The following CHRNB2 variants were observed in gnomAD, a reference collection of about 807,000 sequenced individuals.
The protein encoded by CHRNB2 is neuronal acetylcholine receptor subunit beta-2.
A neutral mutation model predicts 42.7 loss-of-function variants in CHRNB2; 33 were observed. The observed-to-expected ratio is 0.77, with a 90% confidence interval of 0.59 to 1.03. CHRNB2 has a LOEUF of 1.03. Ranked by LOEUF, CHRNB2 falls within the 50% of genes least tolerant of loss-of-function variation. The pLI is 0.00. For synonymous variants in CHRNB2, 325 were observed against 292.9 expected (o/e 1.11, Z -1.12); for missense variants, 603 against 700.9 (o/e 0.86, Z 1.58).
chr1:154,570,420 G>C (rs1696141124), intron 4 of CHRNB2, 53 bp downstream of exon 4: 1 of 1,061,008 alleles, frequency 9.4e-7, no homozygotes. Context: ...AGGGAGGGAA[G>C]GGGTTCTGGG....
rs956169135 is a variant in CHRNB2 at position 154,576,219 on chromosome 1, G to A, written c.*287G>A. On this transcript the variant is annotated 3_prime_UTR_variant, in exon 6 of 6. Transcript: ENST00000368476. The stretch of plus-strand genomic sequence containing the variant: ...GGCTGCTAAGTGGAAGACAGAGATG[G>A]CAGAGCCATCCACCCTGAGGAGTGA... The A allele has an allele frequency of 2.1e-6, 1 of 487,446 alleles. No homozygotes were observed. The highest frequency in any genetic ancestry group is 2.0e-5 in the South Asian group (1 of 49,584). 30.2% of individuals were successfully genotyped at this position (487,446 alleles called of 1,614,324 possible). A position where few individuals can be genotyped will look rare whatever the true frequency, so the allele number is the denominator to read the frequency against.
rs1227992893 is a variant in CHRNB2 at position 154,571,311 on chromosome 1, C to T, written c.488C>T (p.Pro163Leu). The change falls in exon 5 of 6, where the codon CCA becomes CTA. Residue 163 changes from proline to leucine, a missense_variant. By Grantham distance (98) the Pro-to-Leu change is moderately conservative. Around this residue, in one of 2 missense-constraint regions of CHRNB2, gnomAD observed 333 missense variants for 452.6 expected, o/e 0.74. Coordinates refer to ENST00000368476, the MANE Select transcript of CHRNB2 (RefSeq NM_000748.3). This position sits in a 1 kb window ranked among gnomAD's most constrained non-coding sequence, Gnocchi z 6.8. The part of the protein sequence containing the change: ...SACKIEVKHF[P>L]FDQQNCTMKF... The stretch of plus-strand genomic sequence containing the variant: ...TGCAAGATTGAAGTAAAGCACTTCC[C>T]ATTTGACCAGCAGAACTGCACCATG... 1.9e-6 allele frequency: 3 copies of T among 1,614,118 alleles called. No individual in the cohort carries two copies. The highest frequency in any genetic ancestry group is 2.7e-5 in the African/African-American group (2 of 74,934).
intron 5 of CHRNB2, among the ~76,000 whole-genome samples, chr1:154,575,301 G>A (rs1429615546): frequency 2.6e-5 from 4 of 152,220 alleles, no homozygotes; most frequent in Non-Finnish European, 5.9e-5. Context: ...ACACAGTGCA[G>A]AGGGAACCCA....
Position 154,573,746 on chromosome 1 carries a change from C to A in CHRNB2, c.1338+1585C>A, listed in dbSNP as rs192085082. ...CCCAGGTCACTGGTCACTGGCTTATCTTTTATTTATTTATTTTTTTGATAT... is the reference window on the plus strand; with the variant it reads ...CCCAGGTCACTGGTCACTGGCTTATATTTTATTTATTTATTTTTTTGATAT... On this transcript the variant is annotated intron_variant, in intron 5 of 5. Transcript: ENST00000368476. 1.8e-4 allele frequency among the ~76,000 whole-genome samples: 27 copies of A among 152,154 alleles called. No individual in the cohort carries two copies. The East Asian group carries it at 5.2e-3, about 29-fold the overall frequency.
chr1:154,568,221 G>C, intron 1 of CHRNB2, 113 bp downstream of exon 1: 3 of 1,276,030 alleles, frequency 2.4e-6, no homozygotes, highest in South Asian at 1.3e-5. Context: ...GGATTCCCTA[G>C]AGGTGGGGGA....
intron 5 of CHRNB2, 127 bp from the exon 6 acceptor site, chr1:154,575,635 C>T: frequency 4.0e-6 from 4 of 1,008,024 alleles, no homozygotes; most frequent in Non-Finnish European, 6.2e-6. Context: ...CATGCTTTAA[C>T]AAGATCATTC....
Position 154,571,462 on chromosome 1 carries a change from C to G in CHRNB2, c.639C>G (p.Asn213Lys). Residue 213 changes from asparagine to lysine, a missense_variant, in exon 5 of 6, where the codon AAC becomes AAG. Asn to Lys is a moderately conservative substitution (Grantham distance 94). Coordinates refer to ENST00000368476, the MANE Select transcript of CHRNB2 (RefSeq NM_000748.3). The surrounding 1 kb of genome is among the most constrained non-coding windows in gnomAD (Gnocchi z 6.8). ...TCGTGGCGCTGCCGGGCCGGCGCAA[C>G]GAGAACCCCGACGACTCTACGTACG... The part of the protein sequence containing the change: ...WDIVALPGRR[N>K]ENPDDSTYVD... 3 of 1,614,134 alleles carry G rather than the reference C, an allele frequency of 1.9e-6. No individual in the cohort carries two copies. Among genetic ancestry groups the G allele is most frequent in the Non-Finnish European group, 2.5e-6 (3 of 1,180,038 alleles).
chr1:154,575,612 C>T lies in CHRNB2; in HGVS notation c.1339-150C>T, dbSNP rs1239266512. 8 of 878,444 alleles carry T rather than the reference C, an allele frequency of 9.1e-6. No homozygotes were observed. The East Asian group carries it at 1.3e-4, about 14-fold the overall frequency. The allele number at this position is 878,444 out of a possible 1,614,324, so 54.4% of individuals were successfully genotyped here. On this transcript the variant is annotated intron_variant, in intron 5 of 5. Transcript: ENST00000368476. ...GCAGTGGGGCCACTGGAGGCTTTTA[C>T]TAAGATCAGAGCCATGCTTTAACAA...
chr1:154,569,029 C>T (rs1413097795), intron 1 of CHRNB2, among the ~76,000 whole-genome samples: 3 of 151,542 alleles, frequency 2.0e-5, no homozygotes, highest in Non-Finnish European at 2.9e-5. Flanking sequence ...TCTCCTCAAT[C>T]GGCAGGAGAA....
At position 154,577,612 on chromosome 1, in the gene CHRNB2, T is replaced by TG. The variant is rs1696306471; in HGVS notation, c.*1681dup. ...CACAGAGTAGATGCTTCATGAATGT[T>TG]GAGTCTGACAGGCAACTGGAGCTGG... On this transcript the variant is annotated 3_prime_UTR_variant, in exon 6 of 6. Coordinates refer to ENST00000368476, the MANE Select transcript of CHRNB2 (RefSeq NM_000748.3). 1.3e-5 allele frequency: 2 copies of TG among 152,330 alleles called. 1 individual carries two copies. The highest frequency in any genetic ancestry group is 1.3e-4 in the Admixed American group (2 of 15,278). 9.4% of individuals were successfully genotyped at this position (152,330 alleles called of 1,614,324 possible).
chr1:154,579,534 C>G lies in CHRNB2; in HGVS notation c.*3602C>G, dbSNP rs1049998302. ...AGTAGACCTGGTTCCAGTTGTCCCCCCCTTGTTTCCGGGCAGAGTCAGGCA... is the reference window on the plus strand; with the variant it reads ...AGTAGACCTGGTTCCAGTTGTCCCCGCCTTGTTTCCGGGCAGAGTCAGGCA... On this transcript the variant is annotated 3_prime_UTR_variant, in exon 6 of 6. Transcript: ENST00000368476. The G allele has an allele frequency of 1.3e-5, 2 of 152,368 alleles. No individual in the cohort carries two copies. The highest frequency in any genetic ancestry group is 2.9e-5 in the Non-Finnish European group (2 of 68,176). 9.4% of individuals were successfully genotyped at this position (152,368 alleles called of 1,614,324 possible). A position where few individuals can be genotyped will look rare whatever the true frequency, so the allele number is the denominator to read the frequency against.
chr1:154,571,100 GT>G lies in CHRNB2; in HGVS notation c.366-85del. The G allele has an allele frequency of 6.2e-7, 1 of 1,609,588 alleles. No individual in the cohort carries two copies. The highest frequency in any genetic ancestry group is 8.5e-7 in the Non-Finnish European group (1 of 1,179,890). On this transcript the variant is annotated intron_variant, in intron 4 of 5. Coordinates refer to ENST00000368476, the MANE Select transcript of CHRNB2 (RefSeq NM_000748.3). The surrounding 1 kb of genome is among the most constrained non-coding windows in gnomAD (Gnocchi z 6.8). ...TGTCCCCTCCCCATGTCTCCCTCTGGTTTTGCTCTCCTCCCATTAGGGGCTG... is the reference window on the plus strand; with the variant it reads ...TGTCCCCTCCCCATGTCTCCCTCTGGTTTGCTCTCCTCCCATTAGGGGCTG...
chr1:154,570,316 T>G lies in CHRNB2; in HGVS notation c.314T>G (p.Val105Gly). 1 of 1,612,740 alleles carries G rather than the reference T, an allele frequency of 6.2e-7. No homozygotes were observed. Among genetic ancestry groups the G allele is most frequent in the Non-Finnish European group, 8.5e-7 (1 of 1,179,408 alleles). Reference sequence around the variant, plus strand: ...GAAGAGTTTGACAACATGAAGAAAGTTCGGCTCCCTTCCAAACACATCTGG... The same window carrying G: ...GAAGAGTTTGACAACATGAAGAAAGGTCGGCTCCCTTCCAAACACATCTGG... ...KPEEFDNMKK[V>G]RLPSKHIWLP... Residue 105 changes from valine to glycine, a missense_variant, in exon 4 of 6, where the codon GTT becomes GGT. Around this residue, in one of 2 missense-constraint regions of CHRNB2, gnomAD observed 333 missense variants for 452.6 expected, o/e 0.74. Coordinates refer to ENST00000368476, the MANE Select transcript of CHRNB2 (RefSeq NM_000748.3).
At chr1:154,575,018 C>A (rs1187427497) in intron 5 of CHRNB2, among the ~76,000 whole-genome samples, 1 of 152,270 alleles carries the variant, frequency 6.6e-6, no homozygotes, top group African/African-American at 2.4e-5. Flanking sequence ...TCTTTTTGAC[C>A]GATTTGTTCA....
rs990671818 is a variant in CHRNB2 at position 154,579,086 on chromosome 1, A to T, written c.*3154A>T. ...GGTACCAAGTTATTGAAAATTTAAAAGCAAACAAGACACAGCAGCCCCCAG... is the reference window on the plus strand; with the variant it reads ...GGTACCAAGTTATTGAAAATTTAAATGCAAACAAGACACAGCAGCCCCCAG... On this transcript the variant is annotated 3_prime_UTR_variant, in exon 6 of 6. Coordinates refer to ENST00000368476, the MANE Select transcript of CHRNB2 (RefSeq NM_000748.3). 1 of 152,210 alleles carries T rather than the reference A, an allele frequency of 6.6e-6. No individual in the cohort carries two copies. The highest frequency in any genetic ancestry group is 6.5e-5 in the Admixed American group (1 of 15,290). 9.4% of individuals were successfully genotyped at this position (152,210 alleles called of 1,614,324 possible). A position where few individuals can be genotyped will look rare whatever the true frequency, so the allele number is the denominator to read the frequency against.
At position 154,577,728 on chromosome 1, in the gene CHRNB2, AG is replaced by A. The variant is rs1696308969; in HGVS notation, c.*1798del. On this transcript the variant is annotated 3_prime_UTR_variant, in exon 6 of 6. Coordinates refer to ENST00000368476, the MANE Select transcript of CHRNB2 (RefSeq NM_000748.3). ...CTGAGGAAACCAAGTCTCCCTTATC[AG>A]GAAGAGCTGGGGGAGCTGGGAGGAA... 1 of 152,200 alleles carries A rather than the reference AG, an allele frequency of 6.6e-6. No homozygotes were observed. The highest frequency in any genetic ancestry group is 1.5e-5 in the Non-Finnish European group (1 of 68,050). The allele number at this position is 152,200 out of a possible 1,614,324, so 9.4% of individuals were successfully genotyped here. A position where few individuals can be genotyped will look rare whatever the true frequency, so the allele number is the denominator to read the frequency against.
intron 5 of CHRNB2, among the ~76,000 whole-genome samples, chr1:154,574,270 C>G (rs1347289018): frequency 1.3e-5 from 2 of 152,158 alleles, no homozygotes; most frequent in African/African-American, 4.8e-5. Context: ...TTGCATAACC[C>G]AGGTTCAGTG....
At chr1:154,568,239 G>A (rs1696097745) in intron 1 of CHRNB2, 131 bp downstream of exon 1, 3 of 1,100,014 alleles carry the variant, frequency 2.7e-6, no homozygotes, top group Non-Finnish European at 4.0e-6. Flanking sequence ...GGAGTCTGCT[G>A]GAGGTTAGGG....
At position 154,571,600 on chromosome 1, in the gene CHRNB2, A is replaced by T. The variant is rs770431355; in HGVS notation, c.777A>T (p.Pro259=). ...TSLAILVFYL[P]SDCGEKMTLC... is the part of the protein sequence containing the mutation. ...TAGCCATCCTTGTCTTCTACCTGCCATCCGACTGTGGCGAGAAGATGACGT... is the reference window on the plus strand; with the variant it reads ...TAGCCATCCTTGTCTTCTACCTGCCTTCCGACTGTGGCGAGAAGATGACGT... The change falls in exon 5 of 6, where the codon CCA becomes CCT. Residue 259 remains proline, a synonymous_variant. Transcript: ENST00000368476. The surrounding 1 kb of genome is among the most constrained non-coding windows in gnomAD (Gnocchi z 6.8). The T allele has an allele frequency of 2.5e-6, 4 of 1,614,198 alleles. No homozygotes were observed. Among genetic ancestry groups the T allele is most frequent in the Non-Finnish European group, 3.4e-6 (4 of 1,180,038 alleles).
Sources: allele counts gnomAD v4.1 joint callset (sites outside exome capture counted in the v4.1 genomes callset), GRCh38; gene constraint gnomAD v4.1.1; regional missense constraint gnomAD v4.1.1; non-coding constraint Gnocchi (gnomAD v3.1); transcripts MANE v1.5; gene names NCBI Gene and HGNC (gene_info 2026-07-23, HGNC 2026-07-21).